The following CHRM3 variants were observed in gnomAD, a reference collection of about 807,000 sequenced individuals.
CHRM3 encodes the protein cholinergic receptor muscarinic 3.
In CHRM3, 11 loss-of-function variants were observed where a neutral mutation model predicts 41.8. The ratio of observed to expected loss-of-function variants is 0.26; its 90% CI spans 0.17 to 0.44. CHRM3 has a LOEUF of 0.44. CHRM3 is among the 20% of genes least tolerant of loss of function. CHRM3 has a pLI of 1.00. For synonymous variants in CHRM3, 297 were observed against 301.4 expected (o/e 0.99, Z 0.15); for missense variants, 571 against 745.4 (o/e 0.77, Z 2.72).
intron 3 of CHRM3, among the ~76,000 whole-genome samples, chr1:239,618,586 T>C (rs939114367): frequency 2.6e-5 from 4 of 151,908 alleles, no homozygotes; most frequent in African/African-American, 4.8e-5. Context: ...GGCTCACGCC[T>C]GTAATCCCAG....
chr1:239,599,428 GTT>G (rs34882749), intron 3 of CHRM3, among the ~76,000 whole-genome samples: 50,019 of 138,468 alleles, frequency 0.36, 10,439 homozygotes, highest in East Asian at 0.59. Flanking sequence ...TCTGTTTACT[GTT>G]TTTTTTTTTT....
At chr1:239,701,466 G>T (rs964144246) in intron 5 of CHRM3, among the ~76,000 whole-genome samples, 3 of 152,112 alleles carry the variant, frequency 2.0e-5, no homozygotes, top group Non-Finnish European at 4.4e-5. Context: ...ACCAAGGTGT[G>T]CAAGATCTGT....
At chr1:239,774,366 G>A (rs1052691512) in intron 5 of CHRM3, among the ~76,000 whole-genome samples, 5 of 152,144 alleles carry the variant, frequency 3.3e-5, no homozygotes, top group African/African-American at 1.2e-4. Context: ...TATTTAGAGA[G>A]GGATGGGGTG....
In CHRM3 at chr1:239,692,971, A is replaced by G. The variant is rs566604832; in HGVS notation, c.-147+14683A>G. Among the ~76,000 whole-genome samples the G allele has an allele frequency of 9.2e-5, 14 of 152,308 alleles. No homozygotes were observed. The South Asian group carries it at 2.7e-3, about 29-fold the overall frequency. On this transcript the variant is annotated intron_variant, in intron 5 of 6. Coordinates refer to ENST00000676153, the MANE Select transcript of CHRM3 (RefSeq NM_001375978.1). ...TTCTTTAATTTTTCCAACAGTTTCT[A>G]TGAATTTTGTTCATGTACTTTGTAA...
chr1:239,610,588 A>T (rs72758710), intron 3 of CHRM3, among the ~76,000 whole-genome samples: 1 of 152,092 alleles, frequency 6.6e-6, no homozygotes, highest in African/African-American at 2.4e-5. Context: ...TGGTCCTCAC[A>T]TCAGCTTGTG....
chr1:239,876,371 C>A (rs1319729383), intron 6 of CHRM3, among the ~76,000 whole-genome samples: 1 of 152,108 alleles, frequency 6.6e-6, no homozygotes, highest in African/African-American at 2.4e-5. Flanking sequence ...GTAGTGTAAG[C>A]AAAAGGGCGG....
chr1:239,780,293 G>A (rs1668416425), intron 5 of CHRM3, among the ~76,000 whole-genome samples: 1 of 152,112 alleles, frequency 6.6e-6, no homozygotes, highest in South Asian at 2.1e-4. Flanking sequence ...CCAACATTTG[G>A]TGTTCTCAGT....
At chr1:239,757,761 C>T (rs1054027247) in intron 5 of CHRM3, among the ~76,000 whole-genome samples, 8 of 152,202 alleles carry the variant, frequency 5.3e-5, no homozygotes, top group Non-Finnish European at 7.3e-5. Context: ...GCCTTCCTCA[C>T]TTTAATGCTC....
chr1:239,607,514 G>T (rs1467553068), intron 3 of CHRM3, among the ~76,000 whole-genome samples: 1 of 151,852 alleles, frequency 6.6e-6, no homozygotes, highest in Non-Finnish European at 1.5e-5. Context: ...ATTAATTATA[G>T]GGTCAGTTTC....
intron 1 of CHRM3, among the ~76,000 whole-genome samples, chr1:239,431,862 G>A (rs887979903): frequency 1.3e-5 from 2 of 151,932 alleles, no homozygotes; most frequent in East Asian, 1.9e-4. Context: ...ACTTCCCCTC[G>A]AGACTCAAGG....
chr1:239,729,629 T>C (rs1663773258), intron 5 of CHRM3, among the ~76,000 whole-genome samples: 1 of 151,960 alleles, frequency 6.6e-6, no homozygotes, highest in Non-Finnish European at 1.5e-5. Flanking sequence ...CAGAGTTTTC[T>C]GGTGAGATTG....
At chr1:239,692,168 A>C (rs1022004946) in intron 5 of CHRM3, among the ~76,000 whole-genome samples, 3 of 152,142 alleles carry the variant, frequency 2.0e-5, no homozygotes, top group Non-Finnish European at 4.4e-5. Context: ...TGGGAGATAC[A>C]TTTAGGCATG....
rs1558195407 is a variant in CHRM3 at position 239,404,396 on chromosome 1, GAAAGAAAGAAAGAA to G, written c.-521+17185_-521+17198del. On this transcript the variant is annotated intron_variant, in intron 1 of 6. Coordinates refer to ENST00000676153, the MANE Select transcript of CHRM3 (RefSeq NM_001375978.1). ...AGAAAGAAAGAAAGAAAGAAAGAAAGAAAGAAAGAAAGAAAAAGAAAGAAAGAAAGAAAGAAAGA... is the reference window on the plus strand; with the variant it reads ...AGAAAGAAAGAAAGAAAGAAAGAAAGAAAGAAAGAAAGAAAGAAAGAAAGA... 7.6e-3 allele frequency among the ~76,000 whole-genome samples: 488 copies of G among 64,376 alleles called. 1 individual carries two copies. The highest frequency in any genetic ancestry group is 0.011 in the Non-Finnish European group (344 of 32,166). The allele number at this position is 64,376 out of a possible 152,430, so 42.2% of individuals were successfully genotyped here. A position where few individuals can be genotyped will look rare whatever the true frequency, so the allele number is the denominator to read the frequency against.
At chr1:239,687,337 G>A (rs1010499584) in intron 5 of CHRM3, among the ~76,000 whole-genome samples, 11 of 152,130 alleles carry the variant, frequency 7.2e-5, no homozygotes, top group African/African-American at 2.6e-4. Context: ...TCATTAGCAT[G>A]CTTTATAAGT....
chr1:239,540,793 T>C (rs1658700355), intron 2 of CHRM3, among the ~76,000 whole-genome samples: 1 of 152,162 alleles, frequency 6.6e-6, no homozygotes, highest in Non-Finnish European at 1.5e-5. Context: ...AACTTCCATA[T>C]TTCTTATTAT....
chr1:239,423,632 T>G (rs1404513216), intron 1 of CHRM3, among the ~76,000 whole-genome samples: 1 of 152,146 alleles, frequency 6.6e-6, no homozygotes, highest in South Asian at 2.1e-4. Context: ...TCAGAAAAGA[T>G]TCTAAGGTAG....
Position 239,461,912 on chromosome 1 carries a change from C to T in CHRM3, c.-520-30797C>T, listed in dbSNP as rs979150862. Among the ~76,000 whole-genome samples, 6 of 152,080 alleles carry T rather than the reference C, an allele frequency of 3.9e-5. No homozygotes were observed. The South Asian group carries it at 6.2e-4, about 16-fold the overall frequency. ...CTCTTTCCCCTCAGCATTCTCAATT[C>T]TCTCCCACTTTCAAAAGCAAATAAA... is the stretch of plus-strand genomic sequence containing the variant. On this transcript the variant is annotated intron_variant, in intron 1 of 6. Coordinates refer to ENST00000676153, the MANE Select transcript of CHRM3 (RefSeq NM_001375978.1).
chr1:239,851,041 G>A (rs1674658248), intron 6 of CHRM3, among the ~76,000 whole-genome samples: 1 of 152,076 alleles, frequency 6.6e-6, no homozygotes, highest in Admixed American at 6.6e-5. Flanking sequence ...GGACAGTGAA[G>A]CTACAGAAAA....
At chr1:239,401,208 G>T (rs1400091878) in intron 1 of CHRM3, among the ~76,000 whole-genome samples, 4 of 152,146 alleles carry the variant, frequency 2.6e-5, no homozygotes, top group Non-Finnish European at 4.4e-5. Flanking sequence ...AAAGAAACTG[G>T]TACCTGGGTC....
Sources: allele counts gnomAD v4.1 joint callset (sites outside exome capture counted in the v4.1 genomes callset), GRCh38; gene constraint gnomAD v4.1.1; transcripts MANE v1.5; gene names NCBI Gene and HGNC (gene_info 2026-07-23, HGNC 2026-07-21).